TNRC6A: variants seen among roughly 807,000 people sequenced by gnomAD.
TNRC6A encodes the protein trinucleotide repeat containing adaptor 6A, also known as trinucleotide repeat-containing gene 6A protein.
In TNRC6A, 44 loss-of-function variants were observed where a neutral mutation model predicts 221.2. The ratio of observed to expected loss-of-function variants is 0.20; its 90% CI spans 0.16 to 0.26. The LOEUF (loss-of-function observed/expected upper bound fraction) is 0.26, where lower values mean the gene tolerates loss of function less well. Among genes scored for constraint, TNRC6A ranks in the 10% least tolerant of loss-of-function variants. The pLI, the probability that TNRC6A is intolerant of heterozygous loss-of-function variation, is 1.00. For missense variants in TNRC6A, 2,199 were observed against 2,404.4 expected (o/e 0.91, Z 1.79); for synonymous variants, 847 against 838.5 (o/e 1.01, Z -0.18).
At chr16:24,631,106 C>A (rs540927560) in intron 1 of TNRC6A, among the ~76,000 whole-genome samples, 1 of 152,180 alleles carries the variant, frequency 6.6e-6, no homozygotes, top group Non-Finnish European at 1.5e-5. Context: ...AAATTTGAAA[C>A]TTGCCTTCCA....
chr16:24,768,422 G>A (rs907445476), intron 4 of TNRC6A, among the ~76,000 whole-genome samples: 25 of 117,540 alleles, frequency 2.1e-4, no homozygotes, highest in African/African-American at 8.6e-4. Context: ...GACAGAGCGA[G>A]ACTCTGTCTC....
intron 4 of TNRC6A, among the ~76,000 whole-genome samples, chr16:24,766,119 A>G (rs1052409412): frequency 6.6e-6 from 1 of 152,206 alleles, no homozygotes; most frequent in African/African-American, 2.4e-5. Context: ...CTTTATTTTT[A>G]GAGAGTTTGT....
chr16:24,671,645 C>T (rs2055304960), intron 2 of TNRC6A, among the ~76,000 whole-genome samples: 1 of 152,132 alleles, frequency 6.6e-6, no homozygotes, highest in Non-Finnish European at 1.5e-5. Context: ...GAAAACACCC[C>T]GAGGAAACAA....
intron 2 of TNRC6A, chr16:24,663,343 G>C (rs946576172): frequency 6.5e-6 from 1 of 154,252 alleles, no homozygotes; most frequent in African/African-American, 2.4e-5. Context: ...TGTCACTTGA[G>C]CTCAGGAGTT....
At chr16:24,646,199 G>A (rs1902280835) in intron 2 of TNRC6A, among the ~76,000 whole-genome samples, 1 of 152,094 alleles carries the variant, frequency 6.6e-6, no homozygotes, top group South Asian at 2.1e-4. Flanking sequence ...TGATATTGCT[G>A]AGAAAACTTA....
At chr16:24,778,581 T>G (rs2057775296) in intron 5 of TNRC6A, 6 of 774,868 alleles carry the variant, frequency 7.7e-6, no homozygotes, top group Non-Finnish European at 9.4e-6. Context: ...TGTGTGAGCT[T>G]GGCCATAACA....
chr16:24,687,993 C>T (rs1395254982), intron 2 of TNRC6A, among the ~76,000 whole-genome samples: 2 of 140,638 alleles, frequency 1.4e-5, no homozygotes, highest in African/African-American at 2.7e-5. Flanking sequence ...AGTGCAATGG[C>T]GCGATCTCTG....
intron 2 of TNRC6A, among the ~76,000 whole-genome samples, chr16:24,722,279 T>C (rs80217233): frequency 0.01 from 1,531 of 152,100 alleles, 27 homozygotes; most frequent in African/African-American, 0.033. Flanking sequence ...CTGAGCATGG[T>C]GACACACACC....
intron 2 of TNRC6A, among the ~76,000 whole-genome samples, chr16:24,742,839 G>A (rs571228461): frequency 6.6e-6 from 1 of 152,124 alleles, no homozygotes; most frequent in African/African-American, 2.4e-5. Flanking sequence ...AAGTAGGCAG[G>A]AGAATCACTT....
At chr16:24,631,090 A>T (rs1000844147) in intron 1 of TNRC6A, among the ~76,000 whole-genome samples, 2 of 152,162 alleles carry the variant, frequency 1.3e-5, no homozygotes, top group African/African-American at 2.4e-5. Flanking sequence ...GGAATCAGAG[A>T]ATTCTAAATT....
chr16:24,823,335 G>T lies in TNRC6A; in HGVS notation c.5514-97G>T. 6.9e-7 allele frequency: 1 copy of T among 1,457,224 alleles called. No homozygotes were observed. The allele number at this position is 1,457,224 out of a possible 1,614,324, so 90.3% of individuals were successfully genotyped here. On this transcript the variant is annotated intron_variant, in intron 24 of 24. Coordinates refer to ENST00000395799, the MANE Select transcript of TNRC6A (RefSeq NM_014494.4). This position sits in a 1 kb window ranked among gnomAD's most constrained non-coding sequence, Gnocchi z 4.3. ...AGTCTCTCCCTCTGTGCCTTCTGTG[G>T]CTTTTCTAGCAGAGACAAGTTGCAC...
intron 2 of TNRC6A, among the ~76,000 whole-genome samples, chr16:24,654,617 G>A (rs1314751907): frequency 6.6e-6 from 1 of 152,090 alleles, no homozygotes; most frequent in South Asian, 2.1e-4. Context: ...TACTCCAGAG[G>A]CTGAGGCAGG....
chr16:24,726,460 G>A (rs560163863), upstream of TNRC6A, among the ~76,000 whole-genome samples: 2 of 152,056 alleles, frequency 1.3e-5, no homozygotes, highest in African/African-American at 4.8e-5. Flanking sequence ...AGGAGGGAGA[G>A]TTAGGTTGTG....
chr16:24,612,969 G>A (rs551736004), intron 1 of TNRC6A, among the ~76,000 whole-genome samples: 3 of 151,870 alleles, frequency 2.0e-5, no homozygotes, highest in South Asian at 4.2e-4. Context: ...ACTGAAGGCC[G>A]GGAGTGGTAG....
At chr16:24,765,294 C>A (rs533829785) in intron 4 of TNRC6A, among the ~76,000 whole-genome samples, 70 of 152,140 alleles carry the variant, frequency 4.6e-4, no homozygotes, top group Non-Finnish European at 9.4e-4. Context: ...AAGCATGTAA[C>A]CTAATGATAC....
rs906336946 is a variant in TNRC6A at position 24,790,793 on chromosome 16, C to A, written c.2151C>A (p.Val717=). The change falls in exon 6 of 25, where the codon GTC becomes GTA. Residue 717 remains valine, a synonymous_variant. Transcript: ENST00000395799. ...IVNRTDLDPR[V]LSNSGWGQTP... Reference sequence around the variant, plus strand: ...ACAGAACTGACTTAGATCCACGTGTCCTGTCCAACTCTGGTTGGGGACAGA... The same window carrying A: ...ACAGAACTGACTTAGATCCACGTGTACTGTCCAACTCTGGTTGGGGACAGA... The A allele has an allele frequency of 6.2e-7, 1 of 1,613,982 alleles. No homozygotes were observed. Among genetic ancestry groups the A allele is most frequent in the African/African-American group, 1.3e-5 (1 of 74,922 alleles).
chr16:24,668,721 A>G (rs2055227488), intron 2 of TNRC6A, among the ~76,000 whole-genome samples: 1 of 152,230 alleles, frequency 6.6e-6, no homozygotes, highest in African/African-American at 2.4e-5. Context: ...AAGGCCAGCC[A>G]TGACCTTAGA....
At chr16:24,821,310 C>T (rs927763414) in intron 22 of TNRC6A, among the ~76,000 whole-genome samples, 1 of 152,114 alleles carries the variant, frequency 6.6e-6, no homozygotes, top group African/African-American at 2.4e-5. Context: ...AGGAACCCAC[C>T]CCAGGGAGGC....
chr16:24,804,142 CT>C, intron 11 of TNRC6A, 34 bp from the exon 12 acceptor site: 1 of 1,549,388 alleles, frequency 6.5e-7, no homozygotes, highest in Middle Eastern at 1.7e-4. Context: ...ATTGGGTTGT[CT>C]TCCTGTTTGA....
Sources: allele counts gnomAD v4.1 joint callset (sites outside exome capture counted in the v4.1 genomes callset), GRCh38; gene constraint gnomAD v4.1.1; non-coding constraint Gnocchi (gnomAD v3.1); transcripts MANE v1.5; gene names NCBI Gene and HGNC (gene_info 2026-07-23, HGNC 2026-07-21).